Variants in SCAPER observed in about 807,000 individuals in gnomAD.
The protein encoded by SCAPER is S-phase cyclin A associated protein in the ER, also known as S phase cyclin A-associated protein in the endoplasmic reticulum.
SCAPER carries 98 observed loss-of-function variants against 182.2 expected under a neutral mutation model. The ratio of observed to expected loss-of-function variants is 0.54; its 90% confidence interval spans 0.46 to 0.64. SCAPER has a LOEUF of 0.64. Ranked by LOEUF, SCAPER falls within the 30% of genes least tolerant of loss-of-function variation. The pLI is 0.00. For missense variants in SCAPER, 1,432 were observed against 1,690.0 expected (o/e 0.85, Z 2.68); for synonymous variants, 605 against 564.6 (o/e 1.07, Z -1.01).
intron 4 of SCAPER, among the ~76,000 whole-genome samples, chr15:76,856,056 T>C (rs1012718657): frequency 6.6e-6 from 1 of 152,088 alleles, no homozygotes; most frequent in African/African-American, 2.4e-5. Flanking sequence ...TAAAGAAAAT[T>C]TGGTACATAT....
At chr15:76,707,557 A>G (rs575508278) in intron 17 of SCAPER, among the ~76,000 whole-genome samples, 1 of 152,306 alleles carries the variant, frequency 6.6e-6, no homozygotes, top group African/African-American at 2.4e-5. Flanking sequence ...ATACCTCAGT[A>G]AGGCAAAACA....
Position 76,702,953 on chromosome 15 carries a change from T to C in SCAPER, c.2297A>G (p.Glu766Gly), listed in dbSNP as rs776555436. 16 of 1,610,036 alleles carry C rather than the reference T, an allele frequency of 9.9e-6. No individual in the cohort carries two copies. Among genetic ancestry groups the C allele is most frequent in the Non-Finnish European group, 1.2e-5 (14 of 1,178,722 alleles). ...CCCACTGCTTAGCTCAGCAGCTTTT[T>C]CTTTTCTTTGTTCAATCTGTTCCAT... is the stretch of plus-strand genomic sequence containing the variant. ...RHMEQIEQRK[E>G]KAAELSSGRH... The change falls in exon 19 of 32, where the codon GAA becomes GGA. Residue 766 changes from glutamate (E) to glycine (G), a missense_variant. Glu to Gly is a moderately conservative substitution (Grantham distance 98). Transcript: ENST00000563290.
chr15:76,895,551 A>G (rs995557578), intron 1 of SCAPER, among the ~76,000 whole-genome samples: 51 of 152,230 alleles, frequency 3.4e-4, no homozygotes, highest in Middle Eastern at 3.4e-3. Context: ...AAAGTACTCA[A>G]GTTAGGAAAA....
At chr15:76,805,176 T>C (rs1377499105) in intron 5 of SCAPER, among the ~76,000 whole-genome samples, 1 of 152,214 alleles carries the variant, frequency 6.6e-6, no homozygotes, top group African/African-American at 2.4e-5. Context: ...CATTTATCAT[T>C]TGATAAATAT....
At chr15:76,360,538 C>A (rs1432397286) in intron 29 of SCAPER, among the ~76,000 whole-genome samples, 15 of 152,208 alleles carry the variant, frequency 9.9e-5, no homozygotes, top group African/African-American at 3.4e-4. Context: ...GGCAGAAGGG[C>A]TGTCTGTCAC....
intron 23 of SCAPER, among the ~76,000 whole-genome samples, chr15:76,515,857 T>A (rs2042375111): frequency 6.6e-6 from 1 of 152,208 alleles, no homozygotes; most frequent in African/African-American, 2.4e-5. Flanking sequence ...CCTGGGGCTC[T>A]GACATCAGAA....
intron 24 of SCAPER, among the ~76,000 whole-genome samples, chr15:76,497,715 G>A (rs573097946): frequency 1.6e-4 from 24 of 152,044 alleles, no homozygotes; most frequent in South Asian, 2.1e-4. Flanking sequence ...GCACATGGCC[G>A]GGCACGGTGG....
intron 20 of SCAPER, among the ~76,000 whole-genome samples, chr15:76,699,967 C>T (rs1294724052): frequency 2.0e-5 from 3 of 152,204 alleles, no homozygotes; most frequent in African/African-American, 7.2e-5. Flanking sequence ...TGGGGAGAGG[C>T]TGTGGGTAGT....
Position 76,719,377 on chromosome 15 carries a change from A to G in SCAPER, c.2165+9218T>C, listed in dbSNP as rs150255246. On this transcript the variant is annotated intron_variant, in intron 17 of 31. Coordinates refer to ENST00000563290, the MANE Select transcript of SCAPER (RefSeq NM_020843.4). Reference sequence around the variant, plus strand: ...GATAGAAAACAAGGTATTAGTTATCACGGGTGTGCATAAGAGGGAGAGGGC... The same window carrying G: ...GATAGAAAACAAGGTATTAGTTATCGCGGGTGTGCATAAGAGGGAGAGGGC... Among the ~76,000 whole-genome samples the G allele has an allele frequency of 3.6e-3, 555 of 152,302 alleles. 2 individuals are homozygous for G. The highest frequency in any genetic ancestry group is 0.013 in the African/African-American group (533 of 41,574).
chr15:76,633,668 G>A (rs574844281), intron 21 of SCAPER, among the ~76,000 whole-genome samples: 24 of 152,332 alleles, frequency 1.6e-4, no homozygotes, highest in Non-Finnish European at 2.9e-4. Flanking sequence ...GAGGAGGAGT[G>A]GATTGGGGTC....
At chr15:76,680,425 T>TAAC (rs2057633082) in intron 20 of SCAPER, among the ~76,000 whole-genome samples, 1 of 128,640 alleles carries the variant, frequency 7.8e-6, no homozygotes, top group African/African-American at 2.6e-5. Flanking sequence ...ATAATAATAA[T>TAAC]AATAATAATA....
chr15:76,381,551 T>C lies in SCAPER; in HGVS notation c.3532A>G (p.Thr1178Ala), dbSNP rs2042942894. ...PTGLTAALQA[T>A]DLAGVLHMLY... ...ATATGAAGAACTCCAGCCAGGTCGG[T>C]TGCCTGAAGAGCAGCTGTCAGCCCT... The change falls in exon 28 of 32, where the codon ACC (threonine) becomes GCC (alanine). Residue 1178 changes from threonine to alanine, a missense_variant. Thr to Ala is a moderately conservative substitution (Grantham distance 58, BLOSUM62 0). Transcript: ENST00000563290. 6.2e-7 allele frequency: 1 copy of C among 1,611,778 alleles called. No individual in the cohort carries two copies. The highest frequency in any genetic ancestry group is 1.3e-5 in the African/African-American group (1 of 74,912).
At chr15:76,421,368 C>A (rs1366643176) in intron 26 of SCAPER, among the ~76,000 whole-genome samples, 8 of 152,288 alleles carry the variant, frequency 5.3e-5, no homozygotes, top group African/African-American at 9.6e-5. Context: ...TCTCTGATGG[C>A]CAGTGATGAT....
intron 26 of SCAPER, among the ~76,000 whole-genome samples, chr15:76,412,561 T>A (rs1364221916): frequency 6.6e-6 from 1 of 152,168 alleles, no homozygotes; most frequent in African/African-American, 2.4e-5. Context: ...TGGACCGTAT[T>A]TGTGTAGGTC....
intron 2 of SCAPER, among the ~76,000 whole-genome samples, chr15:76,883,134 A>T (rs2073663506): frequency 3.3e-5 from 5 of 152,234 alleles, no homozygotes; most frequent in Non-Finnish European, 7.3e-5. Flanking sequence ...CAGGCCAGAC[A>T]ATAAGAGAGA....
At chr15:76,498,072 T>C (rs2040767216) in intron 24 of SCAPER, among the ~76,000 whole-genome samples, 1 of 148,336 alleles carries the variant, frequency 6.7e-6, no homozygotes, top group South Asian at 2.2e-4. Context: ...GATATTGGCG[T>C]ATGTAACAAG....
chr15:76,401,246 CTG>C (rs1193118350), intron 27 of SCAPER, among the ~76,000 whole-genome samples: 2 of 152,124 alleles, frequency 1.3e-5, no homozygotes, highest in African/African-American at 4.8e-5. Context: ...AATTTGAAGA[CTG>C]TGCTATCTAC....
At chr15:76,900,963 C>T (rs976009042) in intron 1 of SCAPER, among the ~76,000 whole-genome samples, 3 of 152,204 alleles carry the variant, frequency 2.0e-5, no homozygotes, top group African/African-American at 7.2e-5. Flanking sequence ...TTAAGAAAAT[C>T]TGAGTATTTG....
intron 15 of SCAPER, among the ~76,000 whole-genome samples, chr15:76,741,309 A>C (rs978749178): frequency 6.6e-6 from 1 of 152,164 alleles, no homozygotes; most frequent in Non-Finnish European, 1.5e-5. Flanking sequence ...TATGTTGCTT[A>C]AATTCTTCAA....
Sources: gnomAD v4.1 joint callset for allele counts (sites outside exome capture counted in the v4.1 genomes callset) on GRCh38, gnomAD v4.1.1 for gene constraint, MANE v1.5 for transcripts, NCBI Gene and HGNC (gene_info 2026-07-23, HGNC 2026-07-21) for gene names.